SYTL3: variants seen among roughly 807,000 people sequenced by gnomAD.
SYTL3 encodes the protein synaptotagmin like 3, also known as synaptotagmin-like protein 3.
A neutral mutation model predicts 82.1 loss-of-function variants in SYTL3; 88 were observed. The observed-to-expected ratio is 1.07, with a 90% CI of 0.90 to 1.28. SYTL3 has a LOEUF of 1.28. SYTL3 is among the 50% of genes most tolerant of loss of function. The pLI, the probability that SYTL3 is intolerant of heterozygous loss-of-function variation, is 0.00. For synonymous variants in SYTL3, 311 were observed against 289.4 expected (o/e 1.07, Z -0.76); for missense variants, 831 against 757.6 (o/e 1.10, Z -1.14).
In SYTL3 at chr6:158,663,190, G is replaced by A. The variant is rs1309423862; in HGVS notation, c.-79G>A. 14 of 1,305,544 alleles carry A rather than the reference G, an allele frequency of 1.1e-5. No homozygotes were observed. The highest frequency in any genetic ancestry group is 3.7e-5 in the South Asian group (3 of 81,682). 80.9% of individuals were successfully genotyped at this position (1,305,544 alleles called of 1,614,324 possible). ...ACAAGGCTGGCTGCAGCTGGCCTCC[G>A]CCGCTCATCTGCAGGGCGTGAGCGC... is the stretch of plus-strand genomic sequence containing the variant. On this transcript the variant is annotated 5_prime_UTR_variant, in exon 4 of 18. Coordinates refer to ENST00000611299, the MANE Select transcript of SYTL3 (RefSeq NM_001242394.2).
At chr6:158,709,801 A>C (rs1375895503) in intron 8 of SYTL3, among the ~76,000 whole-genome samples, 3 of 152,214 alleles carry the variant, frequency 2.0e-5, no homozygotes, top group African/African-American at 2.4e-5. Flanking sequence ...TATTTAAAAA[A>C]TTTAAAGGGG....
chr6:158,759,210 A>G lies in SYTL3; in HGVS notation c.1309-1430A>G, dbSNP rs572773941. On this transcript the variant is annotated intron_variant, in intron 14 of 17. Coordinates refer to ENST00000611299, the MANE Select transcript of SYTL3 (RefSeq NM_001242394.2). ...AGTGGGTGAGGAGCAGGTGGCACAG[A>G]GCTGCAGGTGGCACAGAGCTGCAGG... Among the ~76,000 whole-genome samples the G allele has an allele frequency of 9.0e-5, 13 of 143,788 alleles. No individual in the cohort carries two copies. In the East Asian group the frequency reaches 2.3e-3, roughly 26 times the overall value. 94.3% of individuals were successfully genotyped at this position (143,788 alleles called of 152,430 possible). A position where few individuals can be genotyped will look rare whatever the true frequency, so the allele number is the denominator to read the frequency against.
rs551378355 is a variant in SYTL3, at chr6:158,714,445, T to A, written c.595+567T>A. On this transcript the variant is annotated intron_variant, in intron 9 of 17. Coordinates refer to ENST00000611299, the MANE Select transcript of SYTL3 (RefSeq NM_001242394.2). ...GTAGGGCCCAATTATCTATCTATTGTCTGCATGGAATTACTTGCCTTTCTC... is the reference window on the plus strand; with the variant it reads ...GTAGGGCCCAATTATCTATCTATTGACTGCATGGAATTACTTGCCTTTCTC... Among the ~76,000 whole-genome samples, 60 of 152,338 alleles carry A rather than the reference T, an allele frequency of 3.9e-4. No individual in the cohort carries two copies. In the South Asian group the frequency reaches 0.012, roughly 31 times the overall value.
chr6:158,675,449 C>G (rs1246112443), intron 5 of SYTL3, among the ~76,000 whole-genome samples: 3 of 152,168 alleles, frequency 2.0e-5, no homozygotes, highest in Non-Finnish European at 4.4e-5. Context: ...ATGTGGAAAT[C>G]AGATCAATTG....
intron 5 of SYTL3, among the ~76,000 whole-genome samples, chr6:158,667,644 TC>T (rs1295908472): frequency 6.6e-6 from 1 of 152,206 alleles, no homozygotes; most frequent in Non-Finnish European, 1.5e-5. Context: ...CCCTGCTTCT[TC>T]CTTCGCTTCA....
At chr6:158,705,581 G>A in intron 6 of SYTL3, among the ~76,000 whole-genome samples, 1 of 142,858 alleles carries the variant, frequency 7.0e-6, no homozygotes, top group African/African-American at 2.7e-5. Context: ...GGACCTGGGG[G>A]CAGGGTAACA....
At chr6:158,710,590 T>A (rs1180328357) in intron 8 of SYTL3, among the ~76,000 whole-genome samples, 3 of 152,008 alleles carry the variant, frequency 2.0e-5, no homozygotes, top group African/African-American at 7.2e-5. Flanking sequence ...TGGGACATGA[T>A]GAGAACGTGA....
intron 8 of SYTL3, among the ~76,000 whole-genome samples, chr6:158,710,179 A>G (rs1369695131): frequency 3.3e-5 from 5 of 152,270 alleles, no homozygotes; most frequent in Non-Finnish European, 7.3e-5. Context: ...ACAATTATGA[A>G]CAGATGAACC....
At chr6:158,671,943 A>G (rs866969927) in intron 5 of SYTL3, among the ~76,000 whole-genome samples, 29 of 152,136 alleles carry the variant, frequency 1.9e-4, no homozygotes, top group Admixed American at 1.6e-3. Flanking sequence ...TAGTCTTTGG[A>G]GACCATGATT....
At chr6:158,689,208 A>G (rs1211174380) in intron 6 of SYTL3, among the ~76,000 whole-genome samples, 2 of 152,262 alleles carry the variant, frequency 1.3e-5, no homozygotes, top group African/African-American at 4.8e-5. Context: ...ATTTCTAGAA[A>G]GAGAACAAGA....
At chr6:158,713,695 A>T in intron 8 of SYTL3, 105 bp from the exon 9 acceptor site, 2 of 808,358 alleles carry the variant, frequency 2.5e-6, no homozygotes, top group Non-Finnish European at 4.2e-6. Flanking sequence ...ACTCACTCGC[A>T]CACACCCACA....
At chr6:158,663,437 G>T in intron 4 of SYTL3, 59 bp downstream of exon 4, 10 of 1,591,988 alleles carry the variant, frequency 6.3e-6, no homozygotes, top group Non-Finnish European at 7.7e-6. Flanking sequence ...CTTGGGGCCT[G>T]CCACTCCGTC....
At chr6:158,696,197 T>C (rs1047580413) in intron 6 of SYTL3, among the ~76,000 whole-genome samples, 3 of 152,224 alleles carry the variant, frequency 2.0e-5, no homozygotes, top group African/African-American at 7.2e-5. Flanking sequence ...CTAACACTTA[T>C]TTTATTAACA....
At chr6:158,697,844 A>G (rs1243400835) in intron 6 of SYTL3, among the ~76,000 whole-genome samples, 1 of 152,228 alleles carries the variant, frequency 6.6e-6, no homozygotes, top group Non-Finnish European at 1.5e-5. Flanking sequence ...CTGATAGGAC[A>G]TGGGTAGCTT....
intron 6 of SYTL3, among the ~76,000 whole-genome samples, chr6:158,693,697 T>TTTTTCTTTCTTTCTTTCTTTC: frequency 7.7e-6 from 1 of 130,494 alleles, no homozygotes; most frequent in Non-Finnish European, 1.5e-5. Context: ...TTTCTTTTCG[T>TTTTTCTTTCTTTCTTTCTTTC]TTTCTTTCTT....
intron 11 of SYTL3, among the ~76,000 whole-genome samples, chr6:158,731,467 C>T (rs1785405478): frequency 6.6e-6 from 1 of 151,854 alleles, no homozygotes; most frequent in Non-Finnish European, 1.5e-5. Context: ...CTTTGCACAG[C>T]AAAAAAAGGA....
chr6:158,721,919 G>A (rs7738964), intron 10 of SYTL3, among the ~76,000 whole-genome samples: 96,762 of 152,058 alleles, frequency 0.64, 32,142 homozygotes, highest in African/African-American at 0.8. Context: ...GGTGTGAGCC[G>A]CTGCGCCTGG....
At chr6:158,645,609 A>G (rs1787388211), upstream of SYTL3, among the ~76,000 whole-genome samples, 2 of 152,170 alleles carry the variant, frequency 1.3e-5, no homozygotes, top group African/African-American at 4.8e-5. Context: ...CATCTAATCC[A>G]TCAACAACCC....
chr6:158,664,936 A>G (rs1330418695), intron 4 of SYTL3, among the ~76,000 whole-genome samples: 1 of 152,124 alleles, frequency 6.6e-6, no homozygotes, highest in Non-Finnish European at 1.5e-5. Flanking sequence ...GCATAGCATC[A>G]GTTGATTTTA....
Sources: allele counts gnomAD v4.1 joint callset (sites outside exome capture counted in the v4.1 genomes callset), GRCh38; gene constraint gnomAD v4.1.1; transcripts MANE v1.5; gene names NCBI Gene and HGNC (gene_info 2026-07-23, HGNC 2026-07-21).